The following DYDC1 variants were observed in gnomAD, a reference collection of about 807,000 sequenced individuals.
DYDC1 encodes DPY30 domain containing 1.
A neutral mutation model predicts 27.9 loss-of-function variants in DYDC1; 21 were observed. The observed-to-expected ratio is 0.75, with a 90% CI of 0.53 to 1.08. The LOEUF (loss-of-function observed/expected upper bound fraction) is 1.08, where lower values mean the gene tolerates loss of function less well. DYDC1 is among the 50% of genes least tolerant of loss of function. The pLI, the probability that DYDC1 is intolerant of heterozygous loss-of-function variation, is 0.00. For synonymous variants in DYDC1, 67 were observed against 65.8 expected, an observed-to-expected ratio of 1.02 and a Z score of -0.09; for missense variants, 202 against 205.9, an observed-to-expected ratio of 0.98 and a Z score of 0.12.
intron 5 of DYDC1, among the ~76,000 whole-genome samples, chr10:80,338,788 CT>C (rs528732303): frequency 3.3e-4 from 50 of 152,158 alleles, no homozygotes; most frequent in Non-Finnish European, 6.0e-4. Flanking sequence ...AATACTAGAA[CT>C]TTTTTTAAAA....
Position 80,351,981 on chromosome 10 carries a change from G to A in DYDC1, c.169C>T (p.Leu57=). 6.2e-7 allele frequency: 1 copy of A among 1,614,062 alleles called. No homozygotes were observed. The highest frequency in any genetic ancestry group is 8.5e-7 in the Non-Finnish European group (1 of 1,180,018). The change falls in exon 3 of 7, where the codon CTG becomes TTG. Residue 57 remains leucine (L), a synonymous_variant. Transcript: ENST00000372202. ...EQLRQKEMAK[L]ERERELALME... ...AGAGCTAATTCTCTTTCACGCTCCAGCTTGGCCATTTCCTTTTGTCTCTAG... is the reference window on the plus strand; with the variant it reads ...AGAGCTAATTCTCTTTCACGCTCCAACTTGGCCATTTCCTTTTGTCTCTAG...
At chr10:80,342,156 G>T in intron 4 of DYDC1, 113 bp downstream of exon 4, 1 of 955,706 alleles carries the variant, frequency 1.0e-6, no homozygotes, top group Non-Finnish European at 1.6e-6. Context: ...GCTAGTATGT[G>T]GCATGTCTTC....
rs1364346547 is a variant in DYDC1 at position 80,342,330 on chromosome 10, A to G, written c.281T>C (p.Met94Thr). The change falls in exon 4 of 7, where the codon ATG becomes ACG. Residue 94 changes from methionine (M) to threonine (T), a missense_variant. Met to Thr is a moderately conservative substitution (Grantham distance 81). Coordinates refer to ENST00000372202, the MANE Select transcript of DYDC1 (RefSeq NM_001269053.2). The part of the protein sequence containing the change: ...QQLALQLELE[M>T]QEKERQRIQE... The stretch of plus-strand genomic sequence containing the variant: ...TATTCTCTGCCTCTCCTTTTCTTGC[A>G]TTTCCAACTCTAGCTGCAATGCCAG... The G allele has an allele frequency of 6.2e-7, 1 of 1,613,838 alleles. No homozygotes were observed. The highest frequency in any genetic ancestry group is 8.5e-7 in the Non-Finnish European group (1 of 1,179,974).
chr10:80,340,981 T>G (rs1185061455), intron 4 of DYDC1, among the ~76,000 whole-genome samples: 3 of 152,224 alleles, frequency 2.0e-5, no homozygotes, highest in African/African-American at 7.2e-5. Flanking sequence ...ATCTCACTTT[T>G]TGATTTAATT....
chr10:80,344,568 T>C (rs1203259466), intron 3 of DYDC1, among the ~76,000 whole-genome samples: 1 of 152,202 alleles, frequency 6.6e-6, no homozygotes, highest in Non-Finnish European at 1.5e-5. Flanking sequence ...CCCATTCAAT[T>C]CTCAACTTGA....
At chr10:80,347,271 GGATCCTTT>G (rs1842708678) in intron 3 of DYDC1, among the ~76,000 whole-genome samples, 1 of 89,266 alleles carries the variant, frequency 1.1e-5, no homozygotes, top group African/African-American at 4.8e-5. Context: ...TTTTTAATTG[GGATCCTTT>G]TTTTTTTTTT....
At chr10:80,356,181 G>C (rs1277771015) in intron 1 of DYDC1, 1 of 934,364 alleles carries the variant, frequency 1.1e-6, no homozygotes, top group Admixed American at 6.2e-5. Flanking sequence ...AACTCCCTTA[G>C]CATGTTCCTG....
intron 6 of DYDC1, chr10:80,337,396 G>T (rs1842169531): frequency 1.0e-6 from 1 of 985,318 alleles, no homozygotes; most frequent in Admixed American, 6.2e-5. Context: ...TTTCTGAACA[G>T]CTCTTGAAAA....
Position 80,352,004 on chromosome 10 carries a change from T to C in DYDC1, c.148-2A>G. 1 of 1,613,604 alleles carries C rather than the reference T, an allele frequency of 6.2e-7. No individual in the cohort carries two copies. Among genetic ancestry groups the C allele is most frequent in the Non-Finnish European group, 8.5e-7 (1 of 1,179,828 alleles). On this transcript the variant is annotated splice_acceptor_variant, in intron 2 of 6. Transcript: ENST00000372202. LOFTEE classifies it high-confidence loss of function. ...CAGCTTGGCCATTTCCTTTTGTCTC[T>C]AGCATTGTTTAAAAACAACAGCACA...
Position 80,338,451 on chromosome 10 carries a change from A to G in DYDC1, c.504+16T>C. 1 of 1,609,588 alleles carries G rather than the reference A, an allele frequency of 6.2e-7. No homozygotes were observed. Among genetic ancestry groups the G allele is most frequent in the South Asian group, 1.1e-5 (1 of 90,044 alleles). On this transcript the variant is annotated intron_variant, in intron 6 of 6. Coordinates refer to ENST00000372202, the MANE Select transcript of DYDC1 (RefSeq NM_001269053.2). Reference sequence around the variant, plus strand: ...AAACAAAAACGAGTTTTTTCACAAAACACACTGATACTGACATCAGAAAAC... The same window carrying G: ...AAACAAAAACGAGTTTTTTCACAAAGCACACTGATACTGACATCAGAAAAC...
At chr10:80,336,579 T>C (rs759761055) in intron 6 of DYDC1, among the ~76,000 whole-genome samples, 16 of 152,226 alleles carry the variant, frequency 1.1e-4, no homozygotes, top group Non-Finnish European at 1.3e-4. Flanking sequence ...AATTTATATC[T>C]CCGGCCTGGG....
intron 4 of DYDC1, 51 bp from the exon 5 acceptor site, chr10:80,339,204 T>C (rs1480812486): frequency 1.2e-6 from 1 of 837,052 alleles, no homozygotes; most frequent in Non-Finnish European, 1.7e-6. Context: ...CCATTTTGAT[T>C]TCATGTTTAA....
rs185950997 is a variant in DYDC1 at position 80,344,031 on chromosome 10, G to A, written c.250-1670C>T. ...CTTGGGAGGCTGAGGCAAGAGAATTGCTTGAATCTGGGAGGTAGAGGTTGC... is the reference window on the plus strand; with the variant it reads ...CTTGGGAGGCTGAGGCAAGAGAATTACTTGAATCTGGGAGGTAGAGGTTGC... On this transcript the variant is annotated intron_variant, in intron 3 of 6. Coordinates refer to ENST00000372202, the MANE Select transcript of DYDC1 (RefSeq NM_001269053.2). Among the ~76,000 whole-genome samples the A allele has an allele frequency of 9.9e-4, 150 of 152,230 alleles. 4 individuals carry two copies. The East Asian group carries it at 0.027, about 28-fold the overall frequency.
At chr10:80,350,163 A>G (rs1842901583) in intron 3 of DYDC1, among the ~76,000 whole-genome samples, 1 of 152,156 alleles carries the variant, frequency 6.6e-6, no homozygotes, top group Non-Finnish European at 1.5e-5. Context: ...CCTGTATAAT[A>G]TTATTTTCTC....
intron 3 of DYDC1, among the ~76,000 whole-genome samples, chr10:80,346,910 A>G (rs1484885282): frequency 1.3e-5 from 2 of 151,746 alleles, no homozygotes; most frequent in African/African-American, 2.4e-5. Flanking sequence ...CCCCGTCTCT[A>G]CTAAAAATAC....
intron 3 of DYDC1, among the ~76,000 whole-genome samples, chr10:80,347,794 T>C (rs1842758069): frequency 6.6e-6 from 1 of 152,230 alleles, no homozygotes; most frequent in Non-Finnish European, 1.5e-5. Flanking sequence ...GGTTCTCTAT[T>C]CTGTTCCACT....
intron 1 of DYDC1, among the ~76,000 whole-genome samples, chr10:80,355,504 T>C (rs1375319331): frequency 6.6e-6 from 1 of 152,094 alleles, no homozygotes; most frequent in African/African-American, 2.4e-5. Context: ...AAAGATATAG[T>C]TGCAAAAATA....
At chr10:80,343,234 A>T (rs1405590628) in intron 3 of DYDC1, among the ~76,000 whole-genome samples, 1 of 152,218 alleles carries the variant, frequency 6.6e-6, no homozygotes, top group Non-Finnish European at 1.5e-5. Flanking sequence ...TGAAATGTAA[A>T]TTTCAGCATC....
intron 3 of DYDC1, chr10:80,344,773 G>A (rs1388843273): frequency 1.3e-5 from 4 of 309,862 alleles, no homozygotes; most frequent in African/African-American, 4.5e-5. Flanking sequence ...AGTGCCTTTC[G>A]CCTCCCACCA....
Sources: allele counts gnomAD v4.1 joint callset (sites outside exome capture counted in the v4.1 genomes callset), GRCh38; gene constraint gnomAD v4.1.1; transcripts MANE v1.5; gene names NCBI Gene and HGNC (gene_info 2026-07-23, HGNC 2026-07-21).